GLT1D1: variants seen among roughly 807,000 people sequenced by gnomAD.
The protein encoded by GLT1D1 is glycosyltransferase 1 domain-containing protein 1.
In GLT1D1, 21 loss-of-function variants were observed where a neutral mutation model predicts 28.7. That is an observed-to-expected ratio of 0.73 (90% CI 0.52 to 1.05). The LOEUF (loss-of-function observed/expected upper bound fraction) is 1.05, where lower values mean the gene tolerates loss of function less well. Ranked by LOEUF, GLT1D1 falls within the 50% of genes least tolerant of loss-of-function variation. The probability of loss-of-function intolerance (pLI) is 0.00; values close to 1 mark genes in which losing one functional copy is unlikely to be tolerated. For missense variants in GLT1D1, 343 were observed against 330.6 expected, an observed-to-expected ratio of 1.04 and a Z score of -0.29; for synonymous variants, 147 against 124.8, an observed-to-expected ratio of 1.18 and a Z score of -1.19.
intron 4 of GLT1D1, among the ~76,000 whole-genome samples, chr12:128,927,915 G>A (rs544936726): frequency 1.9e-4 from 27 of 138,760 alleles, no homozygotes; most frequent in South Asian, 1.4e-3. Context: ...CAGGAGAATC[G>A]CTTGAACCCG....
chr12:128,863,807 G>A (rs541642234), intron 1 of GLT1D1, among the ~76,000 whole-genome samples: 1 of 152,110 alleles, frequency 6.6e-6, no homozygotes, highest in East Asian at 1.9e-4. Context: ...GTAGCCACAC[G>A]TGGTGGCGGG....
Position 128,881,534 on chromosome 12 carries a change from G to GAAAAA in GLT1D1, c.217+5496_217+5500dup, listed in dbSNP as rs1161429342. ...GGGCAACAGAGTGAGACTCTGTATC[G>GAAAAA]AAAAAAAAAAAAAAAAAAAAAAAAA... is the stretch of plus-strand genomic sequence containing the variant. On this transcript the variant is annotated intron_variant, in intron 2 of 7. Coordinates refer to ENST00000281703, the MANE Select transcript of GLT1D1 (RefSeq NM_144669.3). Among the ~76,000 whole-genome samples the GAAAAA allele has an allele frequency of 3.3e-3, 78 of 23,896 alleles. 16 individuals carry two copies. The highest frequency in any genetic ancestry group is 0.026 in the Middle Eastern group (1 of 38). 15.7% of individuals were successfully genotyped at this position (23,896 alleles called of 152,430 possible). A position where few individuals can be genotyped will look rare whatever the true frequency, so the allele number is the denominator to read the frequency against.
At chr12:128,965,727 A>AG (rs2135530528) in intron 7 of GLT1D1, among the ~76,000 whole-genome samples, 1 of 141,316 alleles carries the variant, frequency 7.1e-6, no homozygotes, top group African/African-American at 2.6e-5. Flanking sequence ...AAAAAAAAAA[A>AG]AAAAAAAAGA....
At position 128,928,362 on chromosome 12, in the gene GLT1D1, G is replaced by A. The variant is rs1208239694; in HGVS notation, c.376-16964G>A. Among the ~76,000 whole-genome samples the A allele has an allele frequency of 1.6e-3, 243 of 152,146 alleles. 3 individuals are homozygous for A. Among genetic ancestry groups the A allele is most frequent in the Non-Finnish European group, 1.3e-4 (9 of 68,004 alleles). ...CCCCTGAGAGCCACTTGCAGATGCCGCCTCCCATTCCATGGGGACTCTGGG... is the reference window on the plus strand; with the variant it reads ...CCCCTGAGAGCCACTTGCAGATGCCACCTCCCATTCCATGGGGACTCTGGG... On this transcript the variant is annotated intron_variant, in intron 4 of 7. Transcript: ENST00000281703.
intron 7 of GLT1D1, among the ~76,000 whole-genome samples, chr12:128,977,559 G>A (rs913590842): frequency 2.0e-5 from 3 of 152,030 alleles, no homozygotes; most frequent in Non-Finnish European, 4.4e-5. Flanking sequence ...AAAGAAATGC[G>A]GCAACCAGCA....
At position 128,954,111 on chromosome 12, in the gene GLT1D1, T is replaced by TTTTTTG. The variant is rs1206502062; in HGVS notation, c.541-3410_541-3405dup. On this transcript the variant is annotated intron_variant, in intron 6 of 7. Coordinates refer to ENST00000281703, the MANE Select transcript of GLT1D1 (RefSeq NM_144669.3). ...GATCTGGTCCTAAGGTCACCTGTTT[T>TTTTTTG]TTTTTGTTTTTGTTTTTGTTTTTGT... Among the ~76,000 whole-genome samples the TTTTTTG allele has an allele frequency of 9.7e-4, 146 of 150,988 alleles. 1 individual carries two copies. The highest frequency in any genetic ancestry group is 1.8e-3 in the Non-Finnish European group (123 of 67,686).
chr12:128,887,066 C>T (rs143900662), intron 2 of GLT1D1, among the ~76,000 whole-genome samples: 2 of 151,038 alleles, frequency 1.3e-5, no homozygotes, highest in African/African-American at 2.4e-5. Context: ...GGCTGCAGTG[C>T]GGTGGCGTGA....
intron 6 of GLT1D1, among the ~76,000 whole-genome samples, 159 bp from the exon 11 acceptor site, chr12:128,957,386 G>A (rs1877412311): frequency 6.6e-6 from 1 of 152,188 alleles, no homozygotes; most frequent in Admixed American, 6.5e-5. Flanking sequence ...TTGAAAACAT[G>A]CTGTTGAGAT....
chr12:128,983,245 G>GCATT lies in GLT1D1; in HGVS notation c.*159_*162dup, dbSNP rs1409262133. 6.2e-6 allele frequency: 4 copies of GCATT among 647,606 alleles called. No homozygotes were observed. The highest frequency in any genetic ancestry group is 1.1e-5 in the Non-Finnish European group (4 of 375,056). 40.1% of individuals were successfully genotyped at this position (647,606 alleles called of 1,614,324 possible). On this transcript the variant is annotated 3_prime_UTR_variant, in exon 8 of 8. Coordinates refer to ENST00000281703, the MANE Select transcript of GLT1D1 (RefSeq NM_144669.3). This position sits in a 1 kb window ranked among gnomAD's most constrained non-coding sequence, Gnocchi z 4.7. ...TTAGTCGTGAGTCCCCAGAGCCACT[G>GCATT]CATTCATCCCATATCCTTCTGTGCG... is the stretch of plus-strand genomic sequence containing the variant.
intron 1 of GLT1D1, among the ~76,000 whole-genome samples, chr12:128,855,640 A>C (rs1956199120): frequency 6.6e-6 from 1 of 152,112 alleles, no homozygotes; most frequent in Non-Finnish European, 1.5e-5. Context: ...TGCACAAGCA[A>C]GAATTCAGGG....
chr12:128,869,356 G>A (rs1313081253), intron 1 of GLT1D1, among the ~76,000 whole-genome samples: 1 of 152,054 alleles, frequency 6.6e-6, no homozygotes, highest in Non-Finnish European at 1.5e-5. Context: ...TTTTTGTGGA[G>A]ACAGGGTCTC....
intron 1 of GLT1D1, among the ~76,000 whole-genome samples, chr12:128,859,234 T>C (rs990632723): frequency 6.6e-6 from 1 of 152,214 alleles, no homozygotes; most frequent in African/African-American, 2.4e-5. Context: ...ATCAGCATAA[T>C]GGGCCTTAGT....
intron 7 of GLT1D1, among the ~76,000 whole-genome samples, chr12:128,959,593 A>G (rs1445890470): frequency 1.3e-5 from 2 of 152,138 alleles, no homozygotes; most frequent in African/African-American, 4.8e-5. Context: ...GGTGGGACCC[A>G]GGAGTTTCTC....
intron 6 of GLT1D1, among the ~76,000 whole-genome samples, chr12:128,950,876 G>C (rs939381435): frequency 6.6e-6 from 1 of 152,240 alleles, no homozygotes; most frequent in Non-Finnish European, 1.5e-5. Context: ...GTGTAGCAGA[G>C]ACTGGGAGTG....
intron 2 of GLT1D1, among the ~76,000 whole-genome samples, chr12:128,880,087 C>T (rs1314939693): frequency 6.6e-6 from 1 of 152,188 alleles, no homozygotes; most frequent in African/African-American, 2.4e-5. Flanking sequence ...TTGACAGTGA[C>T]AAAATGCTAT....
intron 1 of GLT1D1, among the ~76,000 whole-genome samples, chr12:128,871,328 G>A (rs1296865046): frequency 6.6e-6 from 1 of 152,160 alleles, no homozygotes; most frequent in Non-Finnish European, 1.5e-5. Context: ...GATCCTGCTG[G>A]TCAGTTACCT....
intron 7 of GLT1D1, among the ~76,000 whole-genome samples, chr12:128,971,958 A>G (rs1307388140): frequency 6.8e-6 from 1 of 147,828 alleles, no homozygotes; most frequent in Non-Finnish European, 1.5e-5. Context: ...TGCCGGGAGA[A>G]TCCATTGTTT....
intron 7 of GLT1D1, among the ~76,000 whole-genome samples, chr12:128,958,834 T>A (rs1877590870): frequency 1.3e-4 from 4 of 31,136 alleles, no homozygotes. Context: ...AAAAATCTTT[T>A]TTTTTTTTTT....
intron 7 of GLT1D1, among the ~76,000 whole-genome samples, chr12:128,963,973 A>G (rs867994305): frequency 6.6e-6 from 1 of 152,196 alleles, no homozygotes; most frequent in Non-Finnish European, 1.5e-5. Flanking sequence ...TTAAGCAACA[A>G]ACATTTCTCT....
Sources: gnomAD v4.1 joint callset for allele counts (sites outside exome capture counted in the v4.1 genomes callset) on GRCh38, gnomAD v4.1.1 for gene constraint, Gnocchi (gnomAD v3.1) non-coding constraint, MANE v1.5 for transcripts, NCBI Gene and HGNC (gene_info 2026-07-23, HGNC 2026-07-21) for gene names.